NFIC: variants seen among roughly 807,000 people sequenced by gnomAD.
NFIC encodes the protein nuclear factor I C.
Under a neutral mutation model 54.4 loss-of-function variants are expected in NFIC, and 12 were observed. That is an observed-to-expected ratio of 0.22 (90% CI 0.14 to 0.36). The LOEUF (loss-of-function observed/expected upper bound fraction) is 0.36, where lower values mean the gene tolerates loss of function less well. Among genes scored for constraint, NFIC ranks in the 10% least tolerant of loss-of-function variants. NFIC has a pLI of 1.00. For synonymous variants in NFIC, 322 were observed against 319.2 expected (o/e 1.01, Z -0.09); for missense variants, 575 against 718.2 (o/e 0.80, Z 2.28).
chr19:3,371,881 CTCCTTCCTTCCTTCCT>C (rs758286013), intron 1 of NFIC, among the ~76,000 whole-genome samples: 100 of 99,906 alleles, frequency 1.0e-3, no homozygotes, highest in African/African-American at 2.2e-3. Flanking sequence ...TTCTTTCTCT[CTCCTTCCTTCCTTCCT>C]TCCTTCCTTC....
At chr19:3,389,248 A>G (rs2081343901) in intron 2 of NFIC, among the ~76,000 whole-genome samples, 1 of 152,062 alleles carries the variant, frequency 6.6e-6, no homozygotes, top group African/African-American at 2.4e-5. Flanking sequence ...TGGCAGGAGA[A>G]AGGGTCTCAA....
intron 6 of NFIC, among the ~76,000 whole-genome samples, chr19:3,443,548 C>A (rs899519570): frequency 1.3e-5 from 2 of 152,186 alleles, no homozygotes; most frequent in African/African-American, 4.8e-5. Context: ...TCTCTCCCTC[C>A]CCACTCAAGG....
At chr19:3,363,361 TCCC>T (rs2145414142), upstream of NFIC, among the ~76,000 whole-genome samples, 1 of 145,118 alleles carries the variant, frequency 6.9e-6, no homozygotes, top group Admixed American at 7.0e-5. Context: ...AACCTCCACC[TCCC>T]GAGTTCAAGC....
At chr19:3,366,077 CG>C (rs746115198), upstream of NFIC, among the ~76,000 whole-genome samples, 1 of 130,044 alleles carries the variant, frequency 7.7e-6, no homozygotes, top group Non-Finnish European at 1.6e-5. Flanking sequence ...CCGGCCAGCT[CG>C]GGGGTGATGG....
chr19:3,409,531 G>A (rs1259055268), intron 2 of NFIC, among the ~76,000 whole-genome samples: 2 of 152,190 alleles, frequency 1.3e-5, no homozygotes, highest in Non-Finnish European at 2.9e-5. Flanking sequence ...CGAGTAGTAG[G>A]TGGTCAGTAA....
intron 2 of NFIC, among the ~76,000 whole-genome samples, chr19:3,424,688 T>C (rs1295085756): frequency 6.6e-6 from 1 of 152,182 alleles, no homozygotes; most frequent in Non-Finnish European, 1.5e-5. Flanking sequence ...CGGCCTGAAC[T>C]TCATTTTACA....
chr19:3,360,389 C>A (rs948244693), intron 1 of NFIC, among the ~76,000 whole-genome samples: 3 of 151,228 alleles, frequency 2.0e-5, no homozygotes, highest in African/African-American at 7.3e-5. Context: ...GAGGGACCCC[C>A]GGGTCTCGGC....
rs2082707301 is a variant in NFIC at position 3,465,483 on chromosome 19, C to T, written c.*2714C>T. ...AGAAAAACCACGCTAAAAATCAAGC[C>T]ACTGAAAACAATTGCCCCCAGGTCT... On this transcript the variant is annotated 3_prime_UTR_variant, in exon 11 of 11. Transcript: ENST00000443272. 6.9e-6 allele frequency: 1 copy of T among 145,266 alleles called. No individual in the cohort carries two copies. The highest frequency in any genetic ancestry group is 1.5e-5 in the Non-Finnish European group (1 of 65,044). 9.0% of individuals were successfully genotyped at this position (145,266 alleles called of 1,614,324 possible).
In NFIC at chr19:3,463,015, C is replaced by T; in HGVS notation, c.*246C>T. 8 of 1,379,984 alleles carry T rather than the reference C, an allele frequency of 5.8e-6. No homozygotes were observed. The highest frequency in any genetic ancestry group is 6.5e-6 in the Non-Finnish European group (7 of 1,072,284). The allele number at this position is 1,379,984 out of a possible 1,614,324, so 85.5% of individuals were successfully genotyped here. On this transcript the variant is annotated 3_prime_UTR_variant, in exon 11 of 11. Transcript: ENST00000443272. ...CAAGCAAGAAGACAAAAGGTAAAGA[C>T]GCAACGTTTCCAACTCTCGGGACGC...
chr19:3,373,625 C>CG (rs1279172325), intron 1 of NFIC, among the ~76,000 whole-genome samples: 1 of 124,462 alleles, frequency 8.0e-6, no homozygotes, highest in South Asian at 3.1e-4. Flanking sequence ...GGACCCCCCC[C>CG]CCAAGCTAAA....
intron 2 of NFIC, among the ~76,000 whole-genome samples, chr19:3,400,568 C>T (rs1396455268): frequency 6.6e-6 from 1 of 152,104 alleles, no homozygotes; most frequent in Non-Finnish European, 1.5e-5. Flanking sequence ...AGGCTTAGTG[C>T]GGTGGCTCAC....
chr19:3,445,581 C>T (rs1228455872), intron 6 of NFIC, among the ~76,000 whole-genome samples: 15 of 152,170 alleles, frequency 9.9e-5, no homozygotes, highest in Non-Finnish European at 1.5e-5. Flanking sequence ...CCCAGTGACA[C>T]CTTCACTCCT....
chr19:3,417,885 G>A (rs942186608), intron 2 of NFIC, among the ~76,000 whole-genome samples: 5 of 147,196 alleles, frequency 3.4e-5, no homozygotes, highest in Admixed American at 6.9e-5. Context: ...TGATCCGCCC[G>A]CCTCGGCCTG....
chr19:3,438,613 A>G (rs1043046261), intron 6 of NFIC, among the ~76,000 whole-genome samples: 6 of 151,100 alleles, frequency 4.0e-5, no homozygotes, highest in African/African-American at 9.8e-5. Flanking sequence ...AATTTTTTCT[A>G]TTTTCAGTAG....
In NFIC at chr19:3,464,084, G is replaced by A; in HGVS notation, c.*1315G>A. Reference sequence around the variant, plus strand: ...CTGGGGAAGCCGGTGCGCCCCCCACGCCTCCGCTGCCAGTGCCTTACATTC... The same window carrying A: ...CTGGGGAAGCCGGTGCGCCCCCCACACCTCCGCTGCCAGTGCCTTACATTC... On this transcript the variant is annotated 3_prime_UTR_variant, in exon 11 of 11. Transcript: ENST00000443272. The A allele has an allele frequency of 1.0e-6, 1 of 984,626 alleles. No homozygotes were observed. The highest frequency in any genetic ancestry group is 1.2e-6 in the Non-Finnish European group (1 of 829,786). 61.0% of individuals were successfully genotyped at this position (984,626 alleles called of 1,614,324 possible). A position where few individuals can be genotyped will look rare whatever the true frequency, so the allele number is the denominator to read the frequency against.
At chr19:3,438,524 G>T (rs576443306) in intron 6 of NFIC, among the ~76,000 whole-genome samples, 9 of 147,956 alleles carry the variant, frequency 6.1e-5, no homozygotes, top group African/African-American at 2.0e-4. Flanking sequence ...TGCAAGCTCC[G>T]CTTCCCGGGT....
In NFIC at chr19:3,370,418, C is replaced by T. The variant is rs774576172; in HGVS notation, c.30+3752C>T. Among the ~76,000 whole-genome samples the T allele has an allele frequency of 6.6e-6, 1 of 151,798 alleles. No homozygotes were observed. Among genetic ancestry groups the T allele is most frequent in the Non-Finnish European group, 1.5e-5 (1 of 67,920 alleles). On this transcript the variant is annotated intron_variant, in intron 1 of 10. Coordinates refer to ENST00000443272, the MANE Select transcript of NFIC (RefSeq NM_001245002.2). This position sits in a 1 kb window ranked among gnomAD's most constrained non-coding sequence, Gnocchi z 5.2. The stretch of plus-strand genomic sequence containing the variant: ...CCTCTCTGCGGCGGAGGTGCCTCTG[C>T]GCGCCAGGGCCAAGCGCCCTGTAAA...
chr19:3,432,039 C>T (rs1005546474), intron 3 of NFIC, among the ~76,000 whole-genome samples: 2 of 152,112 alleles, frequency 1.3e-5, no homozygotes, highest in Non-Finnish European at 2.9e-5. Context: ...CCTGCTGTGC[C>T]GGGGCCCAGC....
At chr19:3,371,948 C>T (rs1430436826) in intron 1 of NFIC, among the ~76,000 whole-genome samples, 2 of 135,202 alleles carry the variant, frequency 1.5e-5, no homozygotes, top group Non-Finnish European at 3.2e-5. Flanking sequence ...TCCCTCCCTC[C>T]CTCCCTCCTT....
Sources: gnomAD v4.1 joint callset for allele counts (sites outside exome capture counted in the v4.1 genomes callset) on GRCh38, gnomAD v4.1.1 for gene constraint, Gnocchi (gnomAD v3.1) non-coding constraint, MANE v1.5 for transcripts, NCBI Gene and HGNC (gene_info 2026-07-23, HGNC 2026-07-21) for gene names.